DNAH8: variants seen among roughly 807,000 people sequenced by gnomAD.
The protein encoded by DNAH8 is dynein axonemal heavy chain 8.
Under a neutral mutation model 562.1 loss-of-function variants are expected in DNAH8, and 382 were observed. That is an observed-to-expected ratio of 0.68 (90% CI 0.63 to 0.74). DNAH8 has a LOEUF of 0.74. Among genes scored for constraint, DNAH8 ranks in the 30% least tolerant of loss-of-function variants. The pLI, the probability that DNAH8 is intolerant of heterozygous loss-of-function variation, is 0.00. For synonymous variants in DNAH8, 1,881 were observed against 1,919.4 expected (o/e 0.98, Z 0.52); for missense variants, 5,203 against 5,620.4 (o/e 0.93, Z 2.37).
intron 57 of DNAH8, among the ~76,000 whole-genome samples, chr6:38,887,998 G>A (rs538865332): frequency 1.2e-3 from 186 of 151,720 alleles, no homozygotes; most frequent in African/African-American, 3.9e-3. Flanking sequence ...CACCACACCC[G>A]GCTAATTTTT....
rs961399861 is a variant in DNAH8 at position 38,848,675 on chromosome 6, C to T, written c.5073C>T (p.Ile1691=). Residue 1691 remains isoleucine, a synonymous_variant, in exon 37 of 93, where the codon ATC becomes ATT. Transcript: ENST00000327475. ...ACAATGCTCCATTTAAAAAAAATATCCAGAATTGGGTGTATAAATTGTCCA... is the reference window on the plus strand; with the variant it reads ...ACAATGCTCCATTTAAAAAAAATATTCAGAATTGGGTGTATAAATTGTCCA... ...NRYNAPFKKN[I]QNWVYKLSTS... is the part of the protein sequence containing the mutation. 5.6e-6 allele frequency: 9 copies of T among 1,610,616 alleles called. No homozygotes were observed. The highest frequency in any genetic ancestry group is 6.8e-6 in the Non-Finnish European group (8 of 1,177,616).
rs145198031 is a variant in DNAH8, at chr6:38,886,803, A to G, written c.8272A>G (p.Ile2758Val). ...TGTGAAATTTCAGATAACTAATGAG[A>G]TTGTGCGACAGATGATGGAAATGGA... Reference protein sequence around the residue: ...NEWGDQITNEIVRQMMEMEGM... With the variant: ...NEWGDQITNEVVRQMMEMEGM... The change falls in exon 57 of 93, where the codon ATT (isoleucine) becomes GTT (valine). Residue 2758 changes from isoleucine (I) to valine (V), a missense_variant. Around this residue, in one of 6 missense-constraint regions of DNAH8, gnomAD observed 977 missense variants for 1,061.8 expected, o/e 0.92. Transcript: ENST00000327475. 3.7e-6 allele frequency: 6 copies of G among 1,613,936 alleles called. No homozygotes were observed. The highest frequency in any genetic ancestry group is 5.1e-6 in the Non-Finnish European group (6 of 1,179,840).
chr6:38,932,647 A>G (rs1782644702), intron 76 of DNAH8, among the ~76,000 whole-genome samples: 1 of 152,190 alleles, frequency 6.6e-6, no homozygotes, highest in Non-Finnish European at 1.5e-5. Flanking sequence ...TGATAAAGTA[A>G]TTAATTTTAG....
chr6:38,979,317 T>C (rs1408815645), intron 85 of DNAH8, among the ~76,000 whole-genome samples: 1 of 152,260 alleles, frequency 6.6e-6, no homozygotes, highest in Non-Finnish European at 1.5e-5. Context: ...TTAAAACTTC[T>C]TGAAAATGCA....
intron 3 of DNAH8, among the ~76,000 whole-genome samples, chr6:38,727,157 C>T (rs1763295947): frequency 1.3e-5 from 2 of 152,074 alleles, no homozygotes; most frequent in Admixed American, 1.3e-4. Context: ...CGTGCTGGGC[C>T]TGGAAAAGTA....
At position 38,820,883 on chromosome 6, in the gene DNAH8, C is replaced by G. The variant is rs530392123; in HGVS notation, c.3524-1955C>G. On this transcript the variant is annotated intron_variant, in intron 26 of 92. Coordinates refer to ENST00000327475, the MANE Select transcript of DNAH8 (RefSeq NM_001206927.2). ...CTTCAACCTTATAAAAGGCATCATACTTAATGTTGAAAGCCTGAATTTTTT... is the reference window on the plus strand; with the variant it reads ...CTTCAACCTTATAAAAGGCATCATAGTTAATGTTGAAAGCCTGAATTTTTT... Among the ~76,000 whole-genome samples, 4 of 152,236 alleles carry G rather than the reference C, an allele frequency of 2.6e-5. No individual in the cohort carries two copies. In the East Asian group the frequency reaches 7.7e-4, roughly 29 times the overall value.
chr6:38,859,702 C>G (rs907819175), intron 42 of DNAH8, among the ~76,000 whole-genome samples: 1 of 152,178 alleles, frequency 6.6e-6, no homozygotes, highest in Admixed American at 6.5e-5. Context: ...TTGAACAGAC[C>G]AGGTACTAGA....
intron 88 of DNAH8, among the ~76,000 whole-genome samples, chr6:39,004,639 G>A (rs866561620): frequency 1.3e-5 from 2 of 152,114 alleles, no homozygotes; most frequent in East Asian, 1.9e-4. Context: ...ACAATATAAC[G>A]TTATAAGATT....
chr6:38,891,669 C>T (rs1039724999), intron 58 of DNAH8, among the ~76,000 whole-genome samples: 1 of 152,222 alleles, frequency 6.6e-6, no homozygotes, highest in Non-Finnish European at 1.5e-5. Flanking sequence ...TTTAAAGAAA[C>T]TCAGAAATGA....
chr6:38,820,694 T>G (rs772203293), intron 26 of DNAH8, among the ~76,000 whole-genome samples: 1 of 152,132 alleles, frequency 6.6e-6, no homozygotes, highest in Non-Finnish European at 1.5e-5. Flanking sequence ...ATGAGGTTTA[T>G]CCCATAAAAG....
At chr6:38,915,047 T>G (rs1310494202) in intron 67 of DNAH8, among the ~76,000 whole-genome samples, 154 bp from the exon 68 acceptor site, 1 of 152,202 alleles carries the variant, frequency 6.6e-6, no homozygotes, top group Non-Finnish European at 1.5e-5. Context: ...AGGAATTTAC[T>G]TTAATATACC....
intron 57 of DNAH8, among the ~76,000 whole-genome samples, chr6:38,887,921 C>A (rs1779073315): frequency 6.9e-6 from 1 of 145,736 alleles, no homozygotes; most frequent in Admixed American, 7.1e-5. Context: ...ACTGCAACCG[C>A]TGACTCCTGG....
chr6:38,836,214 T>C (rs1291133121), intron 32 of DNAH8, among the ~76,000 whole-genome samples: 1 of 152,092 alleles, frequency 6.6e-6, no homozygotes, highest in East Asian at 1.9e-4. Flanking sequence ...AGAGAAAATT[T>C]AGGGCATGTG....
At chr6:38,991,399 G>T (rs563873756) in intron 88 of DNAH8, among the ~76,000 whole-genome samples, 2 of 152,352 alleles carry the variant, frequency 1.3e-5, no homozygotes, top group East Asian at 3.9e-4. Context: ...GGATGGGAAA[G>T]AAGTGAAGAA....
At chr6:38,763,537 G>A (rs1043598844) in intron 11 of DNAH8, 6 of 210,638 alleles carry the variant, frequency 2.8e-5, no homozygotes, top group South Asian at 8.3e-5. Context: ...GCCAAGGCCA[G>A]GCATAGTGGC....
Position 38,894,768 on chromosome 6 carries a change from G to T in DNAH8, c.8651G>T (p.Trp2884Leu). ...AATCTTCGAGATCTTTCCAGAATTT[G>T]GCAAGGAATGTTGACCATAAAAGCT... ...IFNLRDLSRI[W>L]QGMLTIKAEE... The change falls in exon 59 of 93, where the codon TGG becomes TTG. Residue 2884 changes from tryptophan to leucine, a missense_variant. By Grantham distance (61) the Trp-to-Leu change is moderately conservative. Transcript: ENST00000327475. The T allele has an allele frequency of 1.9e-6, 3 of 1,613,858 alleles. No individual in the cohort carries two copies. Among genetic ancestry groups the T allele is most frequent in the Non-Finnish European group, 2.5e-6 (3 of 1,179,936 alleles).
In DNAH8 at chr6:38,911,636, A is replaced by G. The variant is rs753568399; in HGVS notation, c.9859+50A>G. The G allele has an allele frequency of 8.1e-6, 10 of 1,229,068 alleles. 1 individual carries two copies. The South Asian group carries it at 1.1e-4, about 14-fold the overall frequency. 76.1% of individuals were successfully genotyped at this position (1,229,068 alleles called of 1,614,324 possible). On this transcript the variant is annotated intron_variant, in intron 66 of 92. Transcript: ENST00000327475. ...ATGGAATAGAAATAGGGTTTATTTG[A>G]TAGGGATCTCAATATTTTGTTTGGT...
At chr6:38,945,345 T>C in intron 79 of DNAH8, 122 bp from the exon 80 acceptor site, 1 of 1,061,050 alleles carries the variant, frequency 9.4e-7, no homozygotes, top group South Asian at 1.6e-5. Context: ...GTAATATTAT[T>C]ATTTTCCAAT....
intron 26 of DNAH8, among the ~76,000 whole-genome samples, chr6:38,821,878 T>A (rs765207832): frequency 1.1e-4 from 16 of 152,216 alleles, no homozygotes; most frequent in Admixed American, 9.8e-4. Context: ...AGTCAAAATT[T>A]ATCTTCAAAA....
Sources: gnomAD v4.1 joint callset for allele counts (sites outside exome capture counted in the v4.1 genomes callset) on GRCh38, gnomAD v4.1.1 for gene constraint, gnomAD v4.1.1 regional missense constraint, MANE v1.5 for transcripts, NCBI Gene and HGNC (gene_info 2026-07-23, HGNC 2026-07-21) for gene names.